Variants in NMNAT3 observed in about 807,000 individuals in gnomAD.
The protein encoded by NMNAT3 is nicotinamide/nicotinic acid mononucleotide adenylyltransferase 3.
Under a neutral mutation model 24.8 loss-of-function variants are expected in NMNAT3, and 21 were observed. That is an observed-to-expected ratio of 0.85 (90% confidence interval 0.60 to 1.22). The LOEUF (loss-of-function observed/expected upper bound fraction) is 1.22. Among genes scored for constraint, NMNAT3 ranks in the 50% most tolerant of loss-of-function variants. The pLI is 0.00. For missense variants in NMNAT3, 387 were observed against 436.6 expected (o/e 0.89, Z 1.01); for synonymous variants, 136 against 155.2 (o/e 0.88, Z 0.92).
At chr3:139,667,161 C>T (rs184691446) in intron 1 of NMNAT3, among the ~76,000 whole-genome samples, 43 of 152,324 alleles carry the variant, frequency 2.8e-4, no homozygotes, top group African/African-American at 9.9e-4. Flanking sequence ...TTTTAGTTTT[C>T]TGAGGAACTT....
At position 139,583,523 on chromosome 3, in the gene NMNAT3, T is replaced by A. The variant is rs986037710; in HGVS notation, c.110-315A>T. 4.4e-5 allele frequency: 63 copies of A among 1,441,732 alleles called. 1 individual carries two copies. In the Middle Eastern group the frequency reaches 5.2e-4, roughly 12 times the overall value. The allele number at this position is 1,441,732 out of a possible 1,614,324, so 89.3% of individuals were successfully genotyped here. On this transcript the variant is annotated intron_variant, in intron 3 of 6. Coordinates refer to ENST00000643695, the MANE Select transcript of NMNAT3 (RefSeq NM_001320510.2). ...TGAAGCTATGGAAGTAGTTTGTGAC[T>A]GTTTTGTTTCCACAAAGTTTGAATT...
chr3:139,569,949 G>C (rs1386011139), intron 6 of NMNAT3: 2 of 152,152 alleles, frequency 1.3e-5, no homozygotes, highest in Non-Finnish European at 2.9e-5. Context: ...TTCCAAGTTG[G>C]TTCCATTCTC....
chr3:139,627,319 G>A (rs1277906936), intron 3 of NMNAT3, among the ~76,000 whole-genome samples: 1 of 152,146 alleles, frequency 6.6e-6, no homozygotes, highest in African/African-American at 2.4e-5. Flanking sequence ...GTACCAGGAA[G>A]GATGCCCTGA....
chr3:139,604,950 T>A (rs1241020048), intron 3 of NMNAT3, among the ~76,000 whole-genome samples: 1 of 152,176 alleles, frequency 6.6e-6, no homozygotes, highest in Non-Finnish European at 1.5e-5. Flanking sequence ...AGCAAAATCC[T>A]CATTAATTCA....
At position 139,560,955 on chromosome 3, in the gene NMNAT3, C is replaced by A; in HGVS notation, c.*55G>T. ...CAAAGTAAAACAGAAACCTTAACAGCCCTCTCCCCAGCAGGAGCTTGTTGG... is the reference window on the plus strand; with the variant it reads ...CAAAGTAAAACAGAAACCTTAACAGACCTCTCCCCAGCAGGAGCTTGTTGG... On this transcript the variant is annotated 3_prime_UTR_variant, in exon 7 of 7. Transcript: ENST00000643695. 1.9e-6 allele frequency: 3 copies of A among 1,545,176 alleles called. No individual in the cohort carries two copies. Among genetic ancestry groups the A allele is most frequent in the Non-Finnish European group, 2.6e-6 (3 of 1,141,198 alleles).
intron 1 of NMNAT3, among the ~76,000 whole-genome samples, chr3:139,665,031 T>C (rs1017122674): frequency 1.3e-5 from 2 of 152,198 alleles, no homozygotes; most frequent in Non-Finnish European, 2.9e-5. Flanking sequence ...AGTACTATTA[T>C]GTGATGACCA....
chr3:139,583,392 A>G lies in NMNAT3; in HGVS notation c.110-184T>C, dbSNP rs183368445. ...ACTGGAATGTAACATGTAGAGCAGT[A>G]GAACATTCTGGAACCACCACATTTG... On this transcript the variant is annotated intron_variant, in intron 3 of 6. Transcript: ENST00000643695. 6 of 1,573,262 alleles carry G rather than the reference A, an allele frequency of 3.8e-6. No individual in the cohort carries two copies. In the South Asian group the frequency reaches 6.7e-5, roughly 17 times the overall value.
intron 6 of NMNAT3, chr3:139,568,449 G>A (rs981278272): frequency 6.6e-6 from 1 of 152,212 alleles, no homozygotes; most frequent in African/African-American, 2.4e-5. Context: ...TGTCAATTTT[G>A]GATCTTTCCT....
chr3:139,620,597 G>C (rs1045624916), intron 3 of NMNAT3, among the ~76,000 whole-genome samples: 1 of 151,974 alleles, frequency 6.6e-6, no homozygotes, highest in African/African-American at 2.4e-5. Flanking sequence ...CCAGTTTGAG[G>C]CTACTATAAT....
chr3:139,657,159 C>T (rs2057272370), intron 1 of NMNAT3, among the ~76,000 whole-genome samples: 1 of 152,190 alleles, frequency 6.6e-6, no homozygotes, highest in Admixed American at 6.5e-5. Flanking sequence ...CCGGCCAGGC[C>T]ATTTCACTTC....
At chr3:139,591,741 G>C (rs537218872) in intron 3 of NMNAT3, among the ~76,000 whole-genome samples, 3,822 of 152,196 alleles carry the variant, frequency 0.025, 101 homozygotes, top group African/African-American at 0.085. Flanking sequence ...TACTCCAACA[G>C]ACCTGCAGCT....
In NMNAT3 at chr3:139,583,182, C is replaced by A. The variant is rs2053745763; in HGVS notation, c.136G>T (p.Ala46Ser). The change falls in exon 4 of 7, where the codon GCA (alanine) becomes TCA (serine). Residue 46 changes from alanine to serine, a missense_variant. Around this residue, in one of 3 missense-constraint regions of NMNAT3, gnomAD observed 13 missense variants for 35.8 expected, o/e 0.36. Transcript: ENST00000643695. ...GACTGAGGTCCAGGAAAAACAAGTG[C>A]AACTTCATGGTCCTTTTCTTCATAT... 1.0e-5 allele frequency: 13 copies of A among 1,239,688 alleles called. No individual in the cohort carries two copies. The highest frequency in any genetic ancestry group is 1.4e-5 in the Non-Finnish European group (12 of 847,622). The allele number at this position is 1,239,688 out of a possible 1,614,324, so 76.8% of individuals were successfully genotyped here. A position where few individuals can be genotyped will look rare whatever the true frequency, so the allele number is the denominator to read the frequency against.
chr3:139,597,998 C>A (rs1158151861), intron 3 of NMNAT3, among the ~76,000 whole-genome samples: 1 of 152,154 alleles, frequency 6.6e-6, no homozygotes, highest in Admixed American at 6.5e-5. Context: ...TTTTATGCAG[C>A]TGAAGCTGAC....
chr3:139,641,104 T>C (rs984121650), intron 1 of NMNAT3, among the ~76,000 whole-genome samples: 20 of 152,168 alleles, frequency 1.3e-4, no homozygotes, highest in Admixed American at 1.2e-3. Flanking sequence ...AATCCACAAC[T>C]ACAACTGGCA....
At chr3:139,659,210 C>T (rs890723799) in intron 1 of NMNAT3, among the ~76,000 whole-genome samples, 1 of 152,148 alleles carries the variant, frequency 6.6e-6, no homozygotes, top group African/African-American at 2.4e-5. Flanking sequence ...ATCACTGAAT[C>T]GAGGCTATTC....
At chr3:139,568,140 T>C (rs1488840809) in intron 6 of NMNAT3, 1 of 152,238 alleles carries the variant, frequency 6.6e-6, no homozygotes, top group African/African-American at 2.4e-5. Flanking sequence ...GAGGTGTTTA[T>C]AGTATTCTCT....
At chr3:139,590,322 A>G (rs536172251) in intron 3 of NMNAT3, among the ~76,000 whole-genome samples, 1 of 152,332 alleles carries the variant, frequency 6.6e-6, no homozygotes, top group African/African-American at 2.4e-5. Context: ...ATTTACATAG[A>G]CATAAATGTG....
intron 1 of NMNAT3, among the ~76,000 whole-genome samples, chr3:139,656,938 C>T (rs1333834703): frequency 6.6e-6 from 1 of 152,224 alleles, no homozygotes; most frequent in Non-Finnish European, 1.5e-5. Context: ...ATACTATTTA[C>T]TAGGTGATTT....
intron 6 of NMNAT3, chr3:139,565,386 A>C (rs1275515832): frequency 2.6e-5 from 4 of 152,192 alleles, no homozygotes; most frequent in Non-Finnish European, 5.9e-5. Flanking sequence ...TTGTACTTTA[A>C]GTTTTAGGGT....
Sources: gnomAD v4.1 joint callset for allele counts (sites outside exome capture counted in the v4.1 genomes callset) on GRCh38, gnomAD v4.1.1 for gene constraint, gnomAD v4.1.1 regional missense constraint, MANE v1.5 for transcripts, NCBI Gene and HGNC (gene_info 2026-07-23, HGNC 2026-07-21) for gene names.